The following THOC7 variants were observed in gnomAD, a reference collection of about 807,000 sequenced individuals.
THOC7 encodes the protein NIF3L1-binding protein 1.
Under a neutral mutation model 33.1 loss-of-function variants are expected in THOC7, and 22 were observed. That is an observed-to-expected ratio of 0.66 (90% CI 0.47 to 0.95). The LOEUF is 0.95. Among genes scored for constraint, THOC7 ranks in the 40% least tolerant of loss-of-function variants. The probability of loss-of-function intolerance (pLI) is 0.00; values close to 1 mark genes in which losing one functional copy is unlikely to be tolerated. For synonymous variants in THOC7, 77 were observed against 76.8 expected (o/e 1.00, Z -0.01); for missense variants, 184 against 245.3 (o/e 0.75, Z 1.67).
At chr3:63,853,281 C>A (rs1702052956) in intron 1 of THOC7, among the ~76,000 whole-genome samples, 2 of 151,934 alleles carry the variant, frequency 1.3e-5, no homozygotes, top group South Asian at 4.2e-4. Context: ...GAGTGTGGCA[C>A]CACTAGTTCT....
At chr3:63,863,921 C>T, upstream of THOC7, 2 of 849,974 alleles carry the variant, frequency 2.4e-6, no homozygotes, top group South Asian at 1.1e-4. Context: ...CCCGCGGCCG[C>T]CTGCTCCGAC....
chr3:63,849,702 C>T (rs1027444595), intron 1 of THOC7, among the ~76,000 whole-genome samples: 2 of 152,110 alleles, frequency 1.3e-5, no homozygotes, highest in Non-Finnish European at 2.9e-5. Flanking sequence ...AAAAAAATTA[C>T]GTTAAAAAAA....
intron 1 of THOC7, chr3:63,860,766 T>C (rs1702194930): frequency 6.6e-6 from 1 of 152,266 alleles, no homozygotes; most frequent in African/African-American, 2.4e-5. Context: ...TTAATTTTTA[T>C]ATTTTCTCAT....
chr3:63,843,055 G>A (rs1219391214), intron 1 of THOC7, among the ~76,000 whole-genome samples: 4 of 151,856 alleles, frequency 2.6e-5, no homozygotes, highest in Admixed American at 2.6e-4. Context: ...CCCAAGTGCT[G>A]GAATTACAGG....
At chr3:63,861,240 C>G (rs886966831) in intron 1 of THOC7, among the ~76,000 whole-genome samples, 4 of 152,066 alleles carry the variant, frequency 2.6e-5, no homozygotes, top group African/African-American at 9.7e-5. Flanking sequence ...TGTGGGGGGG[C>G]ACTTGACTGC....
At chr3:63,859,849 T>A (rs1346571093) in intron 1 of THOC7, among the ~76,000 whole-genome samples, 1 of 152,244 alleles carries the variant, frequency 6.6e-6, no homozygotes, top group Non-Finnish European at 1.5e-5. Context: ...TAGAGGATTG[T>A]CTGAAGAAGT....
intron 1 of THOC7, among the ~76,000 whole-genome samples, chr3:63,839,974 T>C (rs902263305): frequency 5.9e-5 from 9 of 152,104 alleles, no homozygotes; most frequent in African/African-American, 2.2e-4. Context: ...TTGTATATAA[T>C]AAAAAATATT....
intron 1 of THOC7, among the ~76,000 whole-genome samples, chr3:63,859,292 T>C (rs1349722763): frequency 6.6e-6 from 1 of 152,204 alleles, no homozygotes; most frequent in Admixed American, 6.5e-5. Context: ...AATCCTCCTA[T>C]CATTTCTAAA....
At chr3:63,862,020 A>T (rs1338464090) in intron 1 of THOC7, among the ~76,000 whole-genome samples, 1 of 152,032 alleles carries the variant, frequency 6.6e-6, no homozygotes, top group Non-Finnish European at 1.5e-5. Flanking sequence ...TGAACTTCTG[A>T]GCTCAAGAGG....
chr3:63,854,964 C>T (rs1241084847), intron 1 of THOC7, among the ~76,000 whole-genome samples: 1 of 150,798 alleles, frequency 6.6e-6, no homozygotes, highest in Non-Finnish European at 1.5e-5. Flanking sequence ...GCCGAGATCC[C>T]GCCACTGCAC....
chr3:63,836,936 T>C (rs1451246300), intron 4 of THOC7, among the ~76,000 whole-genome samples: 2 of 151,922 alleles, frequency 1.3e-5, no homozygotes, highest in Admixed American at 6.6e-5. Context: ...AAAGCCTCAT[T>C]AACCAACGAA....
intron 7 of THOC7, among the ~76,000 whole-genome samples, chr3:63,834,732 A>C (rs903131400): frequency 1.3e-5 from 2 of 152,072 alleles, no homozygotes; most frequent in Admixed American, 1.3e-4. Flanking sequence ...GGTAACACAA[A>C]AATTTCCACT....
At chr3:63,837,806 G>T (rs1039960767) in intron 4 of THOC7, among the ~76,000 whole-genome samples, 170 bp downstream of exon 4, 5 of 151,822 alleles carry the variant, frequency 3.3e-5, no homozygotes, top group Admixed American at 3.3e-4. Flanking sequence ...TCTCAACACA[G>T]ACTTCCTTCT....
intron 5 of THOC7, 21 bp downstream of exon 5, chr3:63,836,280 A>C: frequency 1.1e-5 from 18 of 1,607,146 alleles, no homozygotes; most frequent in Non-Finnish European, 1.4e-5. Flanking sequence ...AGTTCCTTTC[A>C]AAGTAAAGCT....
In THOC7 at chr3:63,842,483, T is replaced by A. The variant is rs994502360; in HGVS notation, c.20-2710A>T. ...CTGATCAATGAGTGAATAAAGAAAATGTGGTATCTATACACCATGGAATAC... is the reference window on the plus strand; with the variant it reads ...CTGATCAATGAGTGAATAAAGAAAAAGTGGTATCTATACACCATGGAATAC... On this transcript the variant is annotated intron_variant, in intron 1 of 7. Transcript: ENST00000295899. Among the ~76,000 whole-genome samples the A allele has an allele frequency of 1.1e-4, 17 of 152,110 alleles. No homozygotes were observed. In the Middle Eastern group the frequency reaches 0.014, roughly 122 times the overall value.
At chr3:63,863,847 G>A (rs1702311483), upstream of THOC7, 1 of 1,220,220 alleles carries the variant, frequency 8.2e-7, no homozygotes, top group Non-Finnish European at 1.0e-6. Context: ...GCGGTTGGCG[G>A]CGGCGGAGGT....
upstream of THOC7, chr3:63,864,428 C>G (rs1163023061): frequency 6.6e-6 from 1 of 152,122 alleles, no homozygotes; most frequent in Non-Finnish European, 1.5e-5. Context: ...CCCACGCGCG[C>G]TGGGGCGGGT....
intron 1 of THOC7, among the ~76,000 whole-genome samples, chr3:63,851,595 G>A (rs1330307456): frequency 6.6e-6 from 1 of 152,180 alleles, no homozygotes; most frequent in Non-Finnish European, 1.5e-5. Context: ...GTATAATAAT[G>A]AAGTTCCTTC....
intron 1 of THOC7, among the ~76,000 whole-genome samples, chr3:63,856,803 C>T (rs1389031764): frequency 3.3e-5 from 5 of 152,122 alleles, no homozygotes; most frequent in South Asian, 2.1e-4. Flanking sequence ...CTGCAAGCTC[C>T]GCCTCCCAGG....
Sources: gnomAD v4.1 joint callset for allele counts (sites outside exome capture counted in the v4.1 genomes callset) on GRCh38, gnomAD v4.1.1 for gene constraint, MANE v1.5 for transcripts, NCBI Gene and HGNC (gene_info 2026-07-23, HGNC 2026-07-21) for gene names.